Variants in TMEM132D observed in about 807,000 individuals in gnomAD.
TMEM132D encodes mature OL transmembrane protein.
In TMEM132D, 21 loss-of-function variants were observed where a neutral mutation model predicts 62.3. The observed-to-expected ratio is 0.34, with a 90% CI of 0.24 to 0.49. TMEM132D has a LOEUF of 0.49. Among genes scored for constraint, TMEM132D ranks in the 20% least tolerant of loss-of-function variants. TMEM132D has a pLI of 0.99. For synonymous variants in TMEM132D, 621 were observed against 575.6 expected, an observed-to-expected ratio of 1.08 and a Z score of -1.13; for missense variants, 1,346 against 1,402.8, an observed-to-expected ratio of 0.96 and a Z score of 0.65.
intron 4 of TMEM132D, among the ~76,000 whole-genome samples, chr12:129,253,314 G>A (rs1233201015): frequency 6.6e-6 from 1 of 151,778 alleles, no homozygotes; most frequent in African/African-American, 2.4e-5. Flanking sequence ...GTGGCCAAAT[G>A]ACTGAGACAG....
chr12:129,894,297 G>A (rs1875030171), intron 1 of TMEM132D, among the ~76,000 whole-genome samples: 2 of 152,126 alleles, frequency 1.3e-5, no homozygotes, highest in African/African-American at 4.8e-5. Context: ...AGAGTGTATG[G>A]GGGACACCGC....
At chr12:129,364,839 T>C (rs1218301817) in intron 3 of TMEM132D, among the ~76,000 whole-genome samples, 1 of 152,224 alleles carries the variant, frequency 6.6e-6, no homozygotes, top group African/African-American at 2.4e-5. Context: ...GGAAATACAC[T>C]GAAGGGAAAA....
At chr12:129,783,400 A>C (rs951194126) in intron 1 of TMEM132D, among the ~76,000 whole-genome samples, 1 of 152,190 alleles carries the variant, frequency 6.6e-6, no homozygotes, top group Non-Finnish European at 1.5e-5. Flanking sequence ...TTCTGCAAAT[A>C]ATTTTACTAT....
At chr12:129,624,674 G>C (rs1879165060) in intron 2 of TMEM132D, among the ~76,000 whole-genome samples, 1 of 152,276 alleles carries the variant, frequency 6.6e-6, no homozygotes. Flanking sequence ...CCTCCCATGG[G>C]CTGAAAGCCC....
At chr12:129,082,086 G>T in intron 6 of TMEM132D, 54 bp from the exon 7 acceptor site, 1 of 1,544,992 alleles carries the variant, frequency 6.5e-7, no homozygotes. Flanking sequence ...CCTCTGTAAG[G>T]GGCCGTGTGT....
intron 2 of TMEM132D, among the ~76,000 whole-genome samples, chr12:129,692,685 A>T (rs193010207): frequency 1.6e-4 from 24 of 152,336 alleles, no homozygotes; most frequent in Non-Finnish European, 2.8e-4. Context: ...AAATGAGAGC[A>T]TATCCTTTGC....
intron 1 of TMEM132D, among the ~76,000 whole-genome samples, chr12:129,770,871 C>A (rs1224434942): frequency 2.0e-5 from 3 of 152,214 alleles, no homozygotes; most frequent in Non-Finnish European, 4.4e-5. Context: ...ATGTGTACTG[C>A]TTTTGCACCA....
intron 5 of TMEM132D, among the ~76,000 whole-genome samples, chr12:129,194,390 A>G (rs4964856): frequency 0.3 from 45,085 of 152,096 alleles, 7,200 homozygotes; most frequent in East Asian, 0.52. Flanking sequence ...TCTCACTTAT[A>G]AGTGGGAGCT....
At chr12:129,376,586 C>T (rs1006014163) in intron 3 of TMEM132D, among the ~76,000 whole-genome samples, 4 of 152,150 alleles carry the variant, frequency 2.6e-5, no homozygotes, top group African/African-American at 9.7e-5. Flanking sequence ...AATTTGTAAG[C>T]TTAAGCCCTA....
At chr12:129,627,912 A>AG (rs199870360) in intron 2 of TMEM132D, among the ~76,000 whole-genome samples, 1 of 152,000 alleles carries the variant, frequency 6.6e-6, no homozygotes, top group Non-Finnish European at 1.5e-5. Flanking sequence ...GCTTGAGCCC[A>AG]GGGGGTCAAG....
chr12:129,433,617 A>T (rs2135717590), intron 3 of TMEM132D, among the ~76,000 whole-genome samples: 1 of 152,240 alleles, frequency 6.6e-6, no homozygotes, highest in East Asian at 1.9e-4. Context: ...ACTTGTTGCC[A>T]CTAAAAGAAA....
intron 5 of TMEM132D, among the ~76,000 whole-genome samples, chr12:129,137,890 G>GTTT (rs10665290): frequency 8.0e-4 from 120 of 150,094 alleles, no homozygotes; most frequent in Non-Finnish European, 1.2e-3. Context: ...CAAATAAGAG[G>GTTT]TTTTTTTTTT....
At chr12:129,412,725 C>T (rs765563095) in intron 3 of TMEM132D, among the ~76,000 whole-genome samples, 1 of 152,082 alleles carries the variant, frequency 6.6e-6, no homozygotes, top group Non-Finnish European at 1.5e-5. Flanking sequence ...TGGTGGTGGG[C>T]ACCTATAATC....
intron 1 of TMEM132D, among the ~76,000 whole-genome samples, chr12:129,792,744 A>G (rs2137299785): frequency 6.6e-6 from 1 of 152,368 alleles, no homozygotes; most frequent in South Asian, 2.1e-4. Flanking sequence ...AAGTTCTTTA[A>G]GAAGTAAGTT....
At chr12:129,593,534 G>A (rs1464402203) in intron 2 of TMEM132D, among the ~76,000 whole-genome samples, 1 of 152,180 alleles carries the variant, frequency 6.6e-6, no homozygotes, top group Non-Finnish European at 1.5e-5. Context: ...GAAAGTGGGT[G>A]GGGAGCAGGA....
intron 5 of TMEM132D, among the ~76,000 whole-genome samples, chr12:129,114,109 G>T (rs1875811052): frequency 1.3e-5 from 2 of 152,154 alleles, no homozygotes; most frequent in Non-Finnish European, 2.9e-5. Context: ...AGTTGTCCAT[G>T]CATAGAAGGT....
intron 3 of TMEM132D, among the ~76,000 whole-genome samples, chr12:129,463,722 G>A (rs1417949385): frequency 1.3e-5 from 2 of 151,800 alleles, no homozygotes; most frequent in African/African-American, 2.4e-5. Flanking sequence ...AGAACATGCG[G>A]TGTTCGGTTT....
chr12:129,387,858 A>G (rs1389661408), intron 3 of TMEM132D, among the ~76,000 whole-genome samples: 5 of 109,176 alleles, frequency 4.6e-5, no homozygotes, highest in African/African-American at 1.8e-4. Flanking sequence ...ACTAACACCA[A>G]CACCAATCCA....
chr12:129,749,165 G>A (rs1019026758), intron 1 of TMEM132D, among the ~76,000 whole-genome samples: 1 of 152,188 alleles, frequency 6.6e-6, no homozygotes, highest in East Asian at 1.9e-4. Flanking sequence ...CACTTAGATC[G>A]ATGCTAATTG....
Sources: gnomAD v4.1 joint callset for allele counts (sites outside exome capture counted in the v4.1 genomes callset) on GRCh38, gnomAD v4.1.1 for gene constraint, MANE v1.5 for transcripts, NCBI Gene and HGNC (gene_info 2026-07-23, HGNC 2026-07-21) for gene names.